Variants in CNNM1 observed in about 807,000 individuals in gnomAD.
CNNM1 encodes the protein cyclin and CBS domain divalent metal cation transport mediator 1.
A neutral mutation model predicts 78.8 loss-of-function variants in CNNM1; 44 were observed. That is an observed-to-expected ratio of 0.56 (90% CI 0.44 to 0.72). CNNM1 has a LOEUF of 0.72. Ranked by LOEUF, CNNM1 falls within the 30% of genes least tolerant of loss-of-function variation. The pLI, the probability that CNNM1 is intolerant of heterozygous loss-of-function variation, is 0.00. For missense variants in CNNM1, 1,101 were observed against 1,292.2 expected, an observed-to-expected ratio of 0.85 and a Z score of 2.27; for synonymous variants, 584 against 581.5, an observed-to-expected ratio of 1.00 and a Z score of -0.06.
At chr10:99,375,488 C>A (rs781771633) in intron 6 of CNNM1, among the ~76,000 whole-genome samples, 2 of 152,120 alleles carry the variant, frequency 1.3e-5, no homozygotes, top group Non-Finnish European at 2.9e-5. Flanking sequence ...ATGACACTTA[C>A]TGAGAAGGGG....
rs1294420368 is a variant in CNNM1, at chr10:99,390,582, T to C, written c.2776+175T>C. On this transcript the variant is annotated intron_variant, in intron 10 of 10. Coordinates refer to ENST00000356713, the MANE Select transcript of CNNM1 (RefSeq NM_020348.3). ...GGGCCAGCACTGCACCCTTGATAGT[T>C]TTGGGATCTGTCCCATTCAGTTGTT... Among the ~76,000 whole-genome samples, 7 of 152,322 alleles carry C rather than the reference T, an allele frequency of 4.6e-5. 1 individual carries two copies. Among genetic ancestry groups the C allele is most frequent in the Admixed American group, 4.6e-4 (7 of 15,298 alleles).
chr10:99,364,861 A>G (rs1301376011), intron 5 of CNNM1, 94 bp from the exon 6 acceptor site: 15 of 1,209,910 alleles, frequency 1.2e-5, no homozygotes, highest in Non-Finnish European at 1.8e-5. Context: ...TACAGGGTTA[A>G]TTGGTGCTGG....
chr10:99,352,371 A>C (rs1427969372), intron 1 of CNNM1, among the ~76,000 whole-genome samples: 1 of 152,198 alleles, frequency 6.6e-6, no homozygotes, highest in Non-Finnish European at 1.5e-5. Context: ...AACATGTACA[A>C]GTTTTTGTGT....
chr10:99,375,079 A>G (rs1253582038), intron 6 of CNNM1, among the ~76,000 whole-genome samples: 1 of 152,104 alleles, frequency 6.6e-6, no homozygotes, highest in Non-Finnish European at 1.5e-5. Flanking sequence ...AATGGCATTC[A>G]TCGAGGTGGG....
At position 99,362,279 on chromosome 10, in the gene CNNM1, C is replaced by T. The variant is rs779431010; in HGVS notation, c.1911C>T (p.Leu637=). ...LYLSEKILLR[L]LKHPNVIQEL... is the part of the protein sequence containing the mutation. ...TTTCGGAGAAGATCCTGCTCCGGCT[C>T]CTGAAACATCCCAACGTGATCCAGG... Residue 637 remains leucine (L), a synonymous_variant, in exon 4 of 11, where the codon CTC becomes CTT. Coordinates refer to ENST00000356713, the MANE Select transcript of CNNM1 (RefSeq NM_020348.3). The T allele has an allele frequency of 1.9e-6, 3 of 1,613,940 alleles. No individual in the cohort carries two copies. The Admixed American group carries it at 5.0e-5, about 27-fold the overall frequency.
intron 1 of CNNM1, among the ~76,000 whole-genome samples, chr10:99,334,450 C>T (rs979124831): frequency 2.6e-5 from 4 of 152,006 alleles, no homozygotes; most frequent in African/African-American, 7.3e-5. Flanking sequence ...GTCAGGAGTT[C>T]GTGACCAGCT....
At chr10:99,363,145 T>A (rs1312859306) in intron 4 of CNNM1, among the ~76,000 whole-genome samples, 1 of 152,220 alleles carries the variant, frequency 6.6e-6, no homozygotes, top group African/African-American at 2.4e-5. Context: ...ATGTTGTGAA[T>A]CCTAAATACA....
At position 99,330,179 on chromosome 10, in the gene CNNM1, C is replaced by G. The variant is rs771434692; in HGVS notation, c.792C>G (p.Ala264=). Residue 264 remains alanine (A), a synonymous_variant, in exon 1 of 11, where the codon GCC becomes GCG. Transcript: ENST00000356713. ...TGCTGCGGAACAGCGGCTCGGCCGC[C>G]GAGCAGGAGCAGGCGCGCCGCGTGC... ...LRVLRNSGSA[A]EQEQARRVQA... The G allele has an allele frequency of 6.6e-7, 1 of 1,517,578 alleles. No individual in the cohort carries two copies. Among genetic ancestry groups the G allele is most frequent in the South Asian group, 1.3e-5 (1 of 79,522 alleles). 94.0% of individuals were successfully genotyped at this position (1,517,578 alleles called of 1,614,324 possible).
intron 3 of CNNM1, among the ~76,000 whole-genome samples, chr10:99,361,439 A>T (rs1339392032): frequency 1.3e-5 from 2 of 152,258 alleles, no homozygotes; most frequent in Non-Finnish European, 1.5e-5. Context: ...TGTGAAGAAG[A>T]TAAAGTTTGT....
chr10:99,339,891 T>C (rs2134018314), intron 1 of CNNM1, among the ~76,000 whole-genome samples: 2 of 152,332 alleles, frequency 1.3e-5, no homozygotes, highest in East Asian at 3.9e-4. Context: ...ATTCTATACC[T>C]GCCAAAACAT....
intron 1 of CNNM1, among the ~76,000 whole-genome samples, chr10:99,339,576 G>A (rs10159971): frequency 0.32 from 48,543 of 152,160 alleles, 9,803 homozygotes; most frequent in African/African-American, 0.58. Context: ...AATCTAGGTT[G>A]CGTGCTCCTT....
chr10:99,357,543 G>A lies in CNNM1; in HGVS notation c.1605G>A (p.Val535=), dbSNP rs753556440. ...GKSHLAIVQR[V]NNEGEGDPFY... ...CTCACCTGGCCATTGTCCAGCGGGT[G>A]AATAATGAGGGAGAAGGGGACCCTT... The change falls in exon 2 of 11, where the codon GTG becomes GTA. Residue 535 remains valine, a synonymous_variant. Coordinates refer to ENST00000356713, the MANE Select transcript of CNNM1 (RefSeq NM_020348.3). The A allele has an allele frequency of 1.2e-6, 2 of 1,613,616 alleles. No individual in the cohort carries two copies. The highest frequency in any genetic ancestry group is 1.3e-5 in the African/African-American group (1 of 74,892).
chr10:99,363,862 A>G (rs2031519568), intron 4 of CNNM1, among the ~76,000 whole-genome samples: 1 of 148,038 alleles, frequency 6.8e-6, no homozygotes, highest in South Asian at 2.1e-4. Flanking sequence ...CTCCTGCCTC[A>G]GTCTCCTGAG....
At chr10:99,361,365 A>G (rs1401314893) in intron 3 of CNNM1, among the ~76,000 whole-genome samples, 1 of 152,198 alleles carries the variant, frequency 6.6e-6, no homozygotes, top group Non-Finnish European at 1.5e-5. Context: ...ACAGAAGTGT[A>G]TTGTGAATCT....
intron 1 of CNNM1, among the ~76,000 whole-genome samples, chr10:99,350,868 C>T (rs137996553): frequency 2.8e-4 from 43 of 151,948 alleles, no homozygotes; most frequent in African/African-American, 9.9e-4. Context: ...TAATTCTTTG[C>T]GGAGGGGACT....
At chr10:99,342,538 CT>C (rs34332553) in intron 1 of CNNM1, among the ~76,000 whole-genome samples, 1 of 151,902 alleles carries the variant, frequency 6.6e-6, no homozygotes, top group African/African-American at 2.4e-5. Context: ...AAAGTACAGC[CT>C]TTTTTTTAAG....
chr10:99,336,919 C>A (rs765221989), intron 1 of CNNM1, among the ~76,000 whole-genome samples: 2 of 152,052 alleles, frequency 1.3e-5, no homozygotes, highest in Non-Finnish European at 2.9e-5. Flanking sequence ...ACTCCAGTGG[C>A]AACAGAATGA....
intron 6 of CNNM1, among the ~76,000 whole-genome samples, chr10:99,365,745 C>T (rs1482506256): frequency 6.6e-6 from 1 of 152,178 alleles, no homozygotes; most frequent in African/African-American, 2.4e-5. Context: ...TTGCTTTCAG[C>T]TGTTAGTGTT....
At position 99,393,432 on chromosome 10, in the gene CNNM1, T is replaced by G. The variant is rs1323979379; in HGVS notation, c.*1916T>G. The G allele has an allele frequency of 6.6e-6, 1 of 152,532 alleles. No individual in the cohort carries two copies. The highest frequency in any genetic ancestry group is 2.4e-5 in the African/African-American group (1 of 41,442). 9.4% of individuals were successfully genotyped at this position (152,532 alleles called of 1,614,324 possible). ...CTAAAACTGTCAGTATTTAATGTAT[T>G]TATTCTTGTATGTTTTTTCCAGAGC... is the stretch of plus-strand genomic sequence containing the variant. On this transcript the variant is annotated 3_prime_UTR_variant, in exon 11 of 11. Coordinates refer to ENST00000356713, the MANE Select transcript of CNNM1 (RefSeq NM_020348.3).
Sources: gnomAD v4.1 joint callset for allele counts (sites outside exome capture counted in the v4.1 genomes callset) on GRCh38, gnomAD v4.1.1 for gene constraint, MANE v1.5 for transcripts, NCBI Gene and HGNC (gene_info 2026-07-23, HGNC 2026-07-21) for gene names.